The following QSER1 variants were observed in gnomAD, a reference collection of about 807,000 sequenced individuals.
The protein encoded by QSER1 is glutamine and serine rich 1, also known as glutamine and serine-rich protein 1.
A neutral mutation model predicts 158.5 loss-of-function variants in QSER1; 49 were observed. The observed-to-expected ratio is 0.31, with a 90% CI of 0.25 to 0.39. QSER1 has a LOEUF of 0.39. Among genes scored for constraint, QSER1 ranks in the 10% least tolerant of loss-of-function variants. QSER1 has a pLI of 1.00. For synonymous variants in QSER1, 650 were observed against 715.5 expected (o/e 0.91, Z 1.46); for missense variants, 1,754 against 2,010.3 (o/e 0.87, Z 2.44).
intron 8 of QSER1, among the ~76,000 whole-genome samples, chr11:32,961,337 T>C (rs1185805241): frequency 6.6e-6 from 1 of 152,184 alleles, no homozygotes; most frequent in African/African-American, 2.4e-5. Context: ...TAAAATCTAT[T>C]GGTTTGTCTT....
At chr11:32,959,057 A>G (rs957657895) in intron 8 of QSER1, among the ~76,000 whole-genome samples, 3 of 152,254 alleles carry the variant, frequency 2.0e-5, no homozygotes, top group African/African-American at 7.2e-5. Context: ...AGAATATACC[A>G]GCACACAAAG....
At chr11:32,918,402 G>A (rs2133521414) in intron 1 of QSER1, among the ~76,000 whole-genome samples, 1 of 152,094 alleles carries the variant, frequency 6.6e-6, no homozygotes, top group South Asian at 2.1e-4. Context: ...TAAGGATGTT[G>A]TTTTTTATGG....
chr11:32,902,876 C>A (rs1367910365), intron 1 of QSER1, among the ~76,000 whole-genome samples: 1 of 152,132 alleles, frequency 6.6e-6, no homozygotes, highest in Non-Finnish European at 1.5e-5. Context: ...GACAAGGAAA[C>A]TCAAGCAAAG....
At chr11:32,936,489 A>C (rs1852155431) in intron 4 of QSER1, among the ~76,000 whole-genome samples, 1 of 152,198 alleles carries the variant, frequency 6.6e-6, no homozygotes, top group South Asian at 2.1e-4. Flanking sequence ...AACAATTGGC[A>C]GTAAGTATGG....
Position 32,953,853 on chromosome 11 carries a change from T to G in QSER1, c.4178-4T>G. 1 of 1,596,284 alleles carries G rather than the reference T, an allele frequency of 6.3e-7. No individual in the cohort carries two copies. The highest frequency in any genetic ancestry group is 1.3e-5 in the African/African-American group (1 of 74,180). On this transcript the variant is annotated splice_region_variant and splice_polypyrimidine_tract_variant and intron_variant, in intron 4 of 12. Transcript: ENST00000650167. ...TGATTTGCATTTGCTTGGTTTTGTT[T>G]CAGAAGCCCTACAGGTGGCAACTAC...
chr11:32,943,162 A>C, intron 4 of QSER1, among the ~76,000 whole-genome samples: 1 of 152,280 alleles, frequency 6.6e-6, no homozygotes, highest in East Asian at 1.9e-4. Flanking sequence ...CTAGATATAC[A>C]ATCATGTAAT....
At position 32,897,903 on chromosome 11, in the gene QSER1, TGCTC is replaced by T. The variant is rs1289510659; in HGVS notation, c.209+4570_209+4573del. On this transcript the variant is annotated intron_variant, in intron 1 of 12. Coordinates refer to ENST00000650167, the MANE Select transcript of QSER1 (RefSeq NM_001076786.3). ...CAGGCCAGATGGTGGGAGTTGTGTG[TGCTC>T]AGTCACTAAGACCTACTGTTTTGAA... Among the ~76,000 whole-genome samples, 12 of 152,340 alleles carry T rather than the reference TGCTC, an allele frequency of 7.9e-5. No homozygotes were observed. In the East Asian group the frequency reaches 1.9e-3, roughly 24 times the overall value.
chr11:32,945,332 C>T (rs1439924675), intron 4 of QSER1, among the ~76,000 whole-genome samples: 2 of 151,878 alleles, frequency 1.3e-5, no homozygotes, highest in Admixed American at 6.6e-5. Flanking sequence ...TTCCCAGTCT[C>T]GATGGTCTTT....
chr11:32,946,527 G>T (rs1852334719), intron 4 of QSER1, among the ~76,000 whole-genome samples: 1 of 152,352 alleles, frequency 6.6e-6, no homozygotes, highest in African/African-American at 2.4e-5. Flanking sequence ...CTGCTGGAGG[G>T]TGCCTCCCAG....
intron 8 of QSER1, among the ~76,000 whole-genome samples, chr11:32,963,301 G>A (rs973245347): frequency 6.0e-5 from 9 of 150,594 alleles, no homozygotes; most frequent in Admixed American, 2.6e-4. Flanking sequence ...GACTACAGGC[G>A]CTAATTTTTT....
At chr11:32,967,238 A>C (rs56035791) in intron 9 of QSER1, among the ~76,000 whole-genome samples, 6 of 152,324 alleles carry the variant, frequency 3.9e-5, no homozygotes, top group Non-Finnish European at 7.4e-5. Context: ...TGGAGAACCA[A>C]ATATCACATG....
chr11:32,964,214 A>G (rs374849051), intron 8 of QSER1, among the ~76,000 whole-genome samples: 49 of 151,740 alleles, frequency 3.2e-4, no homozygotes, highest in African/African-American at 9.9e-4. Context: ...ACCTCAAGCA[A>G]TCTTCCCACT....
At chr11:32,972,457 A>T (rs759362303) in intron 10 of QSER1, among the ~76,000 whole-genome samples, 1 of 151,320 alleles carries the variant, frequency 6.6e-6, no homozygotes, top group East Asian at 1.9e-4. Flanking sequence ...TTATTTAGAG[A>T]TAGAGTCTCT....
In QSER1 at chr11:32,940,126, C is replaced by G. The variant is rs116965488; in HGVS notation, c.4177+4691C>G. Among the ~76,000 whole-genome samples the G allele has an allele frequency of 1.0e-3, 155 of 152,200 alleles. 2 individuals are homozygous for G. In the East Asian group the frequency reaches 0.024, roughly 24 times the overall value. ...TCCTTTTGCCAACAAGACAAGCATT[C>G]TGTTAGGATTTTAGATTTCTGATTC... On this transcript the variant is annotated intron_variant, in intron 4 of 12. Transcript: ENST00000650167.
At chr11:32,904,578 G>A (rs887306026) in intron 1 of QSER1, among the ~76,000 whole-genome samples, 2 of 151,382 alleles carry the variant, frequency 1.3e-5, no homozygotes, top group Admixed American at 6.6e-5. Context: ...AGAGGATGTG[G>A]GCCTGGTTTC....
intron 4 of QSER1, among the ~76,000 whole-genome samples, chr11:32,945,717 G>A (rs1439077205): frequency 1.3e-5 from 2 of 149,022 alleles, no homozygotes; most frequent in Non-Finnish European, 3.0e-5. Flanking sequence ...TATGTGTCTT[G>A]GAGTTGCTCT....
intron 1 of QSER1, among the ~76,000 whole-genome samples, chr11:32,908,616 C>T (rs551466969): frequency 5.3e-5 from 8 of 152,040 alleles, no homozygotes; most frequent in Non-Finnish European, 1.2e-4. Context: ...TGTATATGGC[C>T]GAATAATATT....
chr11:32,940,408 A>T (rs1005060416), intron 4 of QSER1, among the ~76,000 whole-genome samples: 1 of 152,122 alleles, frequency 6.6e-6, no homozygotes, highest in East Asian at 1.9e-4. Flanking sequence ...TTAACTTGCT[A>T]GTATTTTATT....
At chr11:32,968,961 T>C in intron 9 of QSER1, 85 bp from the exon 10 acceptor site, 1 of 694,294 alleles carries the variant, frequency 1.4e-6, no homozygotes, top group Admixed American at 3.0e-5. Context: ...TGTATTTTAA[T>C]ATATAAATGT....
Sources: gnomAD v4.1 joint callset for allele counts (sites outside exome capture counted in the v4.1 genomes callset) on GRCh38, gnomAD v4.1.1 for gene constraint, MANE v1.5 for transcripts, NCBI Gene and HGNC (gene_info 2026-07-23, HGNC 2026-07-21) for gene names.